The following NEDD4L variants were observed in gnomAD, a reference collection of about 807,000 sequenced individuals.
The protein encoded by NEDD4L is E3 ubiquitin-protein ligase NEDD4-like.
A neutral mutation model predicts 148.9 loss-of-function variants in NEDD4L; 54 were observed. The observed-to-expected ratio is 0.36, with a 90% confidence interval of 0.29 to 0.45. NEDD4L has a LOEUF of 0.45. NEDD4L is among the 20% of genes least tolerant of loss of function. NEDD4L has a pLI of 1.00. For synonymous variants in NEDD4L, 433 were observed against 440.7 expected (o/e 0.98, Z 0.22); for missense variants, 856 against 1,233.8 (o/e 0.69, Z 4.59).
chr18:58,227,640 G>A (rs1021322685), intron 2 of NEDD4L, among the ~76,000 whole-genome samples: 2 of 152,200 alleles, frequency 1.3e-5, no homozygotes, highest in Non-Finnish European at 2.9e-5. Context: ...GCCTCGCGAA[G>A]TTCCTACTGT....
intron 24 of NEDD4L, among the ~76,000 whole-genome samples, chr18:58,376,385 T>G (rs1261440546): frequency 6.6e-6 from 1 of 152,178 alleles, no homozygotes; most frequent in Non-Finnish European, 1.5e-5. Context: ...AGATAAGAAT[T>G]AGGTGCCCAG....
intron 1 of NEDD4L, among the ~76,000 whole-genome samples, chr18:58,153,100 C>G (rs1481231772): frequency 1.3e-5 from 2 of 152,150 alleles, no homozygotes; most frequent in African/African-American, 4.8e-5. Flanking sequence ...GCTGCATCGC[C>G]CATACTTCCT....
At chr18:58,248,041 T>A (rs1186362820) in intron 3 of NEDD4L, among the ~76,000 whole-genome samples, 1 of 152,260 alleles carries the variant, frequency 6.6e-6, no homozygotes, top group Admixed American at 6.5e-5. Flanking sequence ...AGGAAATAGA[T>A]TGATAAATAT....
intron 2 of NEDD4L, among the ~76,000 whole-genome samples, chr18:58,233,043 G>T (rs2045442363): frequency 6.6e-6 from 1 of 152,166 alleles, no homozygotes; most frequent in Non-Finnish European, 1.5e-5. Flanking sequence ...CAGGTTTGTA[G>T]GAAATTGATT....
At chr18:58,137,043 A>C (rs1178383332) in intron 1 of NEDD4L, among the ~76,000 whole-genome samples, 1 of 152,228 alleles carries the variant, frequency 6.6e-6, no homozygotes, top group Non-Finnish European at 1.5e-5. Flanking sequence ...ATCCAAGGGT[A>C]ATACGATACG....
At chr18:58,229,905 C>G (rs2044900116) in intron 2 of NEDD4L, among the ~76,000 whole-genome samples, 1 of 152,152 alleles carries the variant, frequency 6.6e-6, no homozygotes, top group African/African-American at 2.4e-5. Flanking sequence ...AAGAGAATCC[C>G]TTGAACCCAG....
At chr18:58,088,758 C>G (rs1280348773) in intron 1 of NEDD4L, among the ~76,000 whole-genome samples, 1 of 151,882 alleles carries the variant, frequency 6.6e-6, no homozygotes, top group African/African-American at 2.4e-5. Flanking sequence ...CCATTGTTGC[C>G]CTGGCTATGA....
Position 58,266,813 on chromosome 18 carries a change from C to T in NEDD4L, c.297+14759C>T, listed in dbSNP as rs117763293. 2.8e-4 allele frequency among the ~76,000 whole-genome samples: 42 copies of T among 152,212 alleles called. 1 individual carries two copies. In the East Asian group the frequency reaches 8.1e-3, roughly 29 times the overall value. ...TAAATGATAAGACCAATTATAGGTACTAAGAGTCTTGTGTTTTGAAGTGTT... is the reference window on the plus strand; with the variant it reads ...TAAATGATAAGACCAATTATAGGTATTAAGAGTCTTGTGTTTTGAAGTGTT... On this transcript the variant is annotated intron_variant, in intron 5 of 30. Coordinates refer to ENST00000400345, the MANE Select transcript of NEDD4L (RefSeq NM_001144967.3).
At chr18:58,195,749 G>C (rs775226282) in intron 2 of NEDD4L, 1 of 1,338,486 alleles carries the variant, frequency 7.5e-7, no homozygotes, top group African/African-American at 1.5e-5. Flanking sequence ...TGCCACCGAA[G>C]GTTCCGTTCC....
chr18:58,115,797 G>C (rs1293444927), intron 1 of NEDD4L, among the ~76,000 whole-genome samples: 1 of 152,170 alleles, frequency 6.6e-6, no homozygotes, highest in Non-Finnish European at 1.5e-5. Flanking sequence ...TACAGAGTTA[G>C]TTTTAACTTC....
chr18:58,216,863 C>G (rs1259926317), intron 2 of NEDD4L, among the ~76,000 whole-genome samples: 1 of 152,166 alleles, frequency 6.6e-6, no homozygotes, highest in Non-Finnish European at 1.5e-5. Context: ...GTCTTTCTTT[C>G]CTGTGAAAAT....
At chr18:58,201,683 C>G (rs904377392) in intron 2 of NEDD4L, among the ~76,000 whole-genome samples, 3 of 152,212 alleles carry the variant, frequency 2.0e-5, no homozygotes, top group African/African-American at 7.2e-5. Context: ...CATCCCTGCC[C>G]CCTAATAGGT....
intron 18 of NEDD4L, among the ~76,000 whole-genome samples, chr18:58,356,422 T>TAC (rs1383297114): frequency 6.6e-6 from 1 of 151,982 alleles, no homozygotes; most frequent in Admixed American, 6.6e-5. Context: ...TCCACCCTAG[T>TAC]ACACACACAG....
rs143339218 is a variant in NEDD4L, at chr18:58,169,792, C to T, written c.122+3931C>T. On this transcript the variant is annotated intron_variant, in intron 2 of 30. Transcript: ENST00000400345. The stretch of plus-strand genomic sequence containing the variant: ...CCTCCAGTGGCCCATCCTATGTTCA[C>T]CAGCTGGGTCCTCATCTCCTCCGCC... Among the ~76,000 whole-genome samples the T allele has an allele frequency of 9.6e-3, 1,463 of 152,272 alleles. 14 individuals are homozygous for T. The highest frequency in any genetic ancestry group is 0.013 in the Non-Finnish European group (875 of 68,014).
At chr18:58,127,852 A>G (rs2031409443) in intron 1 of NEDD4L, among the ~76,000 whole-genome samples, 1 of 151,166 alleles carries the variant, frequency 6.6e-6, no homozygotes. Flanking sequence ...AAAAAAAAAA[A>G]AAAAAAAGAA....
intron 19 of NEDD4L, among the ~76,000 whole-genome samples, chr18:58,363,896 T>G (rs1178031951): frequency 2.0e-5 from 3 of 152,236 alleles, no homozygotes; most frequent in Non-Finnish European, 4.4e-5. Flanking sequence ...CTGGGTTGTA[T>G]GTTAGAAGTA....
At chr18:58,387,386 T>A (rs1034579136) in intron 26 of NEDD4L, 53 bp from the exon 27 acceptor site, 26 of 925,284 alleles carry the variant, frequency 2.8e-5, no homozygotes, top group African/African-American at 1.8e-4. Context: ...CCTGTGAAAT[T>A]TTTTTTTTTT....
intron 1 of NEDD4L, among the ~76,000 whole-genome samples, chr18:58,061,810 G>T (rs898406699): frequency 2.0e-5 from 3 of 152,282 alleles, no homozygotes; most frequent in East Asian, 3.9e-4. Context: ...AAAATATTTT[G>T]ATTTGCTAGA....
intron 1 of NEDD4L, among the ~76,000 whole-genome samples, chr18:58,097,724 G>A (rs1877069931): frequency 6.6e-6 from 1 of 152,180 alleles, no homozygotes; most frequent in Non-Finnish European, 1.5e-5. Flanking sequence ...AAAGGAAACA[G>A]TGAGAAGTAT....
Sources: gnomAD v4.1 joint callset for allele counts (sites outside exome capture counted in the v4.1 genomes callset) on GRCh38, gnomAD v4.1.1 for gene constraint, MANE v1.5 for transcripts, NCBI Gene and HGNC (gene_info 2026-07-23, HGNC 2026-07-21) for gene names.